Variants in LIPH observed in about 807,000 individuals in gnomAD.
LIPH encodes the protein lipase H.
LIPH carries 32 observed loss-of-function variants against 47.6 expected under a neutral mutation model. That is an observed-to-expected ratio of 0.67 (90% confidence interval 0.51 to 0.90). The LOEUF is 0.90. Ranked by LOEUF, LIPH falls within the 40% of genes least tolerant of loss-of-function variation. The pLI is 0.00. For synonymous variants in LIPH, 190 were observed against 195.6 expected (o/e 0.97, Z 0.24); for missense variants, 497 against 541.4 (o/e 0.92, Z 0.81).
At chr3:185,523,400 A>G (rs1205588304) in intron 5 of LIPH, among the ~76,000 whole-genome samples, 1 of 152,038 alleles carries the variant, frequency 6.6e-6, no homozygotes, top group African/African-American at 2.4e-5. Flanking sequence ...GATTTTAAAG[A>G]TATGCCTTTT....
At chr3:185,527,270 G>C (rs73175525) in intron 4 of LIPH, among the ~76,000 whole-genome samples, 32 of 151,842 alleles carry the variant, frequency 2.1e-4, no homozygotes, top group Admixed American at 7.9e-4. Flanking sequence ...AATATGAAGA[G>C]ACCGTGGGAT....
intron 8 of LIPH, 117 bp downstream of exon 8, chr3:185,514,293 T>G (rs1719658125): frequency 1.4e-6 from 1 of 701,890 alleles, no homozygotes; most frequent in African/African-American, 1.8e-5. Flanking sequence ...CCCTTATATC[T>G]TTTATAGAAC....
In LIPH at chr3:185,524,163, A is replaced by G. The variant is rs779842510; in HGVS notation, c.629-3T>C. 16 of 1,572,200 alleles carry G rather than the reference A, an allele frequency of 1.0e-5. No homozygotes were observed. The highest frequency in any genetic ancestry group is 2.7e-5 in the African/African-American group (2 of 74,114). Reference sequence around the variant, plus strand: ...TAATGGCTCCTTGTAGCCCAGTGCTAAAAGAGAACACATTCTGCTTTTATA... The same window carrying G: ...TAATGGCTCCTTGTAGCCCAGTGCTGAAAGAGAACACATTCTGCTTTTATA... On this transcript the variant is annotated splice_polypyrimidine_tract_variant and splice_region_variant and intron_variant, in intron 4 of 9. Coordinates refer to ENST00000296252, the MANE Select transcript of LIPH (RefSeq NM_139248.3).
At chr3:185,522,169 A>G (rs1577670806) in intron 5 of LIPH, among the ~76,000 whole-genome samples, 1 of 152,172 alleles carries the variant, frequency 6.6e-6, no homozygotes, top group Non-Finnish European at 1.5e-5. Context: ...GAACTTACAT[A>G]CAGGGACCGT....
chr3:185,525,643 T>C (rs1383882251), intron 4 of LIPH, among the ~76,000 whole-genome samples: 2 of 152,100 alleles, frequency 1.3e-5, no homozygotes, highest in Non-Finnish European at 2.9e-5. Context: ...CTCAGAGGAC[T>C]TAAGGAACTA....
At chr3:185,532,606 A>G (rs1720367238) in intron 3 of LIPH, among the ~76,000 whole-genome samples, 1 of 152,172 alleles carries the variant, frequency 6.6e-6, no homozygotes, top group Admixed American at 6.5e-5. Flanking sequence ...CCTGGCCAAC[A>G]TGGCGAAACA....
At chr3:185,526,668 T>G (rs371256065) in intron 4 of LIPH, among the ~76,000 whole-genome samples, 1 of 78,434 alleles carries the variant, frequency 1.3e-5, no homozygotes, top group Non-Finnish European at 2.7e-5. Flanking sequence ...AAAAATAATA[T>G]AATATAATAT....
chr3:185,526,868 G>A (rs139546153), intron 4 of LIPH, among the ~76,000 whole-genome samples: 1 of 152,024 alleles, frequency 6.6e-6, no homozygotes, highest in African/African-American at 2.4e-5. Context: ...AATCATGCAT[G>A]CAAACCCAGT....
At chr3:185,516,817 T>C (rs1230706830) in intron 7 of LIPH, among the ~76,000 whole-genome samples, 2 of 152,210 alleles carry the variant, frequency 1.3e-5, no homozygotes, top group Non-Finnish European at 2.9e-5. Flanking sequence ...TTAAACCTAA[T>C]ATCCCAGAAT....
chr3:185,545,042 G>C (rs188106783), intron 1 of LIPH, among the ~76,000 whole-genome samples: 1 of 152,280 alleles, frequency 6.6e-6, no homozygotes, highest in Non-Finnish European at 1.5e-5. Context: ...CAAAGTCAAG[G>C]TTGTTCAGAG....
Position 185,508,716 on chromosome 3 carries a change from T to C in LIPH, c.*74A>G. ...ATACTTTTTCTGCCTTGCAGAAAGG[T>C]GAGGTGAAGCTTTCAAACAGCCTGT... On this transcript the variant is annotated 3_prime_UTR_variant, in exon 10 of 10. Coordinates refer to ENST00000296252, the MANE Select transcript of LIPH (RefSeq NM_139248.3). 1 of 1,064,606 alleles carries C rather than the reference T, an allele frequency of 9.4e-7. No homozygotes were observed. Among genetic ancestry groups the C allele is most frequent in the Non-Finnish European group, 1.5e-6 (1 of 680,680 alleles). The allele number at this position is 1,064,606 out of a possible 1,614,324, so 65.9% of individuals were successfully genotyped here.
At chr3:185,527,223 A>G (rs1720135249) in intron 4 of LIPH, among the ~76,000 whole-genome samples, 1 of 152,072 alleles carries the variant, frequency 6.6e-6, no homozygotes, top group East Asian at 1.9e-4. Flanking sequence ...TGGGCGACAG[A>G]GCGAGACTCT....
At chr3:185,545,235 G>A (rs1720835276) in intron 1 of LIPH, among the ~76,000 whole-genome samples, 2 of 152,132 alleles carry the variant, frequency 1.3e-5, no homozygotes, top group South Asian at 4.1e-4. Context: ...AATTACAGTT[G>A]GATGAGTGGT....
chr3:185,533,729 T>G, intron 2 of LIPH, 50 bp from the exon 3 acceptor site: 3 of 1,188,360 alleles, frequency 2.5e-6, no homozygotes, highest in South Asian at 2.4e-5. Flanking sequence ...GCCAAGGAAT[T>G]AACATTTGTA....
intron 3 of LIPH, among the ~76,000 whole-genome samples, chr3:185,529,827 T>C (rs1008317291): frequency 2.7e-5 from 4 of 150,848 alleles, no homozygotes; most frequent in African/African-American, 9.8e-5. Flanking sequence ...AAGTTCCAGG[T>C]TGCAGTGAGC....
intron 1 of LIPH, among the ~76,000 whole-genome samples, chr3:185,540,229 C>A (rs1362659580): frequency 6.6e-6 from 1 of 152,212 alleles, no homozygotes; most frequent in African/African-American, 2.4e-5. Flanking sequence ...ATGGACACGA[C>A]TGAACTGAAT....
rs1560153276 is a variant in LIPH at position 185,509,000 on chromosome 3, T to C, written c.1269-123A>G. On this transcript the variant is annotated intron_variant, in intron 9 of 9. Transcript: ENST00000296252. ...AATTGTTTTTAATATAGAAAACACT[T>C]ACGGTGGCCAGGCACGGTGACTCAT... 6.9e-6 allele frequency: 5 copies of C among 723,952 alleles called. No homozygotes were observed. The African/African-American group carries it at 7.0e-5, about 10-fold the overall frequency. 44.8% of individuals were successfully genotyped at this position (723,952 alleles called of 1,614,324 possible). A position where few individuals can be genotyped will look rare whatever the true frequency, so the allele number is the denominator to read the frequency against.
intron 3 of LIPH, among the ~76,000 whole-genome samples, chr3:185,529,783 C>T (rs947353129): frequency 6.0e-5 from 9 of 150,856 alleles, no homozygotes; most frequent in South Asian, 4.2e-4. Flanking sequence ...TTAGCTACTC[C>T]GGAGACTGAG....
chr3:185,525,594 A>C (rs1012084307), intron 4 of LIPH, among the ~76,000 whole-genome samples: 1 of 152,234 alleles, frequency 6.6e-6, no homozygotes, highest in South Asian at 2.1e-4. Flanking sequence ...CCTGGGCAAC[A>C]TAGTGAGACC....
Sources: allele counts gnomAD v4.1 joint callset (sites outside exome capture counted in the v4.1 genomes callset), GRCh38; gene constraint gnomAD v4.1.1; transcripts MANE v1.5; gene names NCBI Gene and HGNC (gene_info 2026-07-23, HGNC 2026-07-21).